The following RO60 variants were observed in gnomAD, a reference collection of about 807,000 sequenced individuals.
RO60 encodes RNA-binding protein RO60.
In RO60, 20 loss-of-function variants were observed where a neutral mutation model predicts 55.3. That is an observed-to-expected ratio of 0.36 (90% CI 0.25 to 0.53). RO60 has a LOEUF of 0.53. Among genes scored for constraint, RO60 ranks in the 20% least tolerant of loss-of-function variants. The pLI, the probability that RO60 is intolerant of heterozygous loss-of-function variation, is 0.92. For synonymous variants in RO60, 213 were observed against 213.6 expected (o/e 1.00, Z 0.02); for missense variants, 558 against 646.6 (o/e 0.86, Z 1.49).
Position 193,077,910 on chromosome 1 carries a change from T to C in RO60, c.1086+860T>C, listed in dbSNP as rs139865673. Among the ~76,000 whole-genome samples the C allele has an allele frequency of 7.0e-4, 106 of 152,202 alleles. 1 individual carries two copies. The highest frequency in any genetic ancestry group is 2.1e-3 in the African/African-American group (88 of 41,526). ...CTTGGTCCTCTGTTTTCCCCATTAA[T>C]TGGTAGATAGATCTCATCAGTCTTG... On this transcript the variant is annotated intron_variant, in intron 5 of 8. Coordinates refer to ENST00000400968, the MANE Select transcript of RO60 (RefSeq NM_001173524.2).
At chr1:193,074,279 A>G (rs1291367556) in intron 2 of RO60, among the ~76,000 whole-genome samples, 1 of 152,130 alleles carries the variant, frequency 6.6e-6, no homozygotes, top group African/African-American at 2.4e-5. Context: ...GTCAAATGGT[A>G]TTTCTAGTTC....
At chr1:193,060,910 A>T (rs1489403064) in intron 1 of RO60, among the ~76,000 whole-genome samples, 1 of 152,132 alleles carries the variant, frequency 6.6e-6, no homozygotes, top group Non-Finnish European at 1.5e-5. Context: ...TATTTTTTTT[A>T]ATCTGTAATA....
intron 5 of RO60, among the ~76,000 whole-genome samples, chr1:193,077,392 G>A (rs977345961): frequency 6.6e-6 from 1 of 152,188 alleles, no homozygotes; most frequent in African/African-American, 2.4e-5. Flanking sequence ...TCCACAGGTT[G>A]TAGAGGAAGC....
chr1:193,059,665 G>A lies in RO60; in HGVS notation c.-133G>A, dbSNP rs762160317. 1.5e-6 allele frequency: 2 copies of A among 1,376,660 alleles called. No individual in the cohort carries two copies. Among genetic ancestry groups the A allele is most frequent in the African/African-American group, 1.5e-5 (1 of 68,690 alleles). The allele number at this position is 1,376,660 out of a possible 1,614,324, so 85.3% of individuals were successfully genotyped here. On this transcript the variant is annotated 5_prime_UTR_variant, in exon 1 of 9. Transcript: ENST00000400968. The surrounding 1 kb of genome is among the most constrained non-coding windows in gnomAD (Gnocchi z 4.9). ...CCCCGGCGGCAGTGGGGCTGTTGCT[G>A]TTGCTGTGGCTGTCGCTGCCCGTCA...
At chr1:193,060,572 G>T (rs775164500) in intron 1 of RO60, among the ~76,000 whole-genome samples, 2 of 152,082 alleles carry the variant, frequency 1.3e-5, no homozygotes, top group Non-Finnish European at 2.9e-5. Flanking sequence ...TAGGTGACTT[G>T]TGCCCTGGAG....
chr1:193,077,745 C>T (rs567939629), intron 5 of RO60, among the ~76,000 whole-genome samples: 1 of 152,228 alleles, frequency 6.6e-6, no homozygotes, highest in Admixed American at 6.5e-5. Flanking sequence ...CTATTAGAAA[C>T]TGCCCCCATG....
intron 1 of RO60, among the ~76,000 whole-genome samples, chr1:193,066,875 C>T (rs1673143954): frequency 1.3e-5 from 2 of 152,288 alleles, no homozygotes; most frequent in South Asian, 2.1e-4. Context: ...GAAACCTCTT[C>T]CTGGAGCGCC....
Sources: allele counts gnomAD v4.1 joint callset (sites outside exome capture counted in the v4.1 genomes callset), GRCh38; gene constraint gnomAD v4.1.1; non-coding constraint Gnocchi (gnomAD v3.1); transcripts MANE v1.5; gene names NCBI Gene and HGNC (gene_info 2026-07-23, HGNC 2026-07-21).